The following AHCTF1 variants were observed in gnomAD, a reference collection of about 807,000 sequenced individuals.
AHCTF1 encodes protein ELYS.
Under a neutral mutation model 248.4 loss-of-function variants are expected in AHCTF1, and 24 were observed. The ratio of observed to expected loss-of-function variants is 0.10; its 90% CI spans 0.07 to 0.14. AHCTF1 has a LOEUF of 0.14. AHCTF1 is among the 10% of genes least tolerant of loss of function. AHCTF1 has a pLI of 1.00. For missense variants in AHCTF1, 2,206 were observed against 2,636.2 expected, an observed-to-expected ratio of 0.84 and a Z score of 3.57; for synonymous variants, 786 against 929.8, an observed-to-expected ratio of 0.85 and a Z score of 2.81.
intron 24 of AHCTF1, among the ~76,000 whole-genome samples, chr1:246,869,231 C>T (rs1204698814): frequency 6.6e-6 from 1 of 152,102 alleles, no homozygotes; most frequent in African/African-American, 2.4e-5. Flanking sequence ...ACAGCGTGTA[C>T]TTACTCCACT....
chr1:246,927,156 C>T lies in AHCTF1; in HGVS notation c.-8+4422G>A, dbSNP rs185036978. On this transcript the variant is annotated intron_variant, in intron 1 of 35. Coordinates refer to ENST00000648844, the MANE Select transcript of AHCTF1 (RefSeq NM_001323342.2). ...TCGTGCCACTGCACTCCAGCCTGGGCGACAGAGCGAGACTCTGTCTCAAAA... is the reference window on the plus strand; with the variant it reads ...TCGTGCCACTGCACTCCAGCCTGGGTGACAGAGCGAGACTCTGTCTCAAAA... Among the ~76,000 whole-genome samples, 49 of 150,218 alleles carry T rather than the reference C, an allele frequency of 3.3e-4. No individual in the cohort carries two copies. In the East Asian group the frequency reaches 8.5e-3, roughly 26 times the overall value.
At chr1:246,855,611 G>A (rs1572369059) in intron 31 of AHCTF1, 119 bp downstream of exon 31, 9 of 737,228 alleles carry the variant, frequency 1.2e-5, no homozygotes, top group African/African-American at 1.8e-5. Flanking sequence ...CCAGAGAGAG[G>A]AATAACTGAG....
intron 1 of AHCTF1, among the ~76,000 whole-genome samples, chr1:246,924,399 G>A (rs1666788353): frequency 6.6e-6 from 1 of 152,022 alleles, no homozygotes; most frequent in Non-Finnish European, 1.5e-5. Flanking sequence ...TTATTTTTGT[G>A]TGATGCAAAT....
chr1:246,856,068 A>G (rs1315581203), intron 30 of AHCTF1, among the ~76,000 whole-genome samples: 3 of 152,232 alleles, frequency 2.0e-5, no homozygotes, highest in Admixed American at 2.0e-4. Flanking sequence ...CATGGCCTTA[A>G]AGTAGAAATG....
intron 11 of AHCTF1, among the ~76,000 whole-genome samples, chr1:246,898,731 A>T (rs1253321943): frequency 6.6e-6 from 1 of 152,184 alleles, no homozygotes; most frequent in Non-Finnish European, 1.5e-5. Context: ...GTATAAATAC[A>T]GCATTCATCC....
chr1:246,913,558 A>G (rs1269677564), intron 3 of AHCTF1, 146 bp from the exon 4 acceptor site: 2 of 722,550 alleles, frequency 2.8e-6, no homozygotes, highest in African/African-American at 3.6e-5. Context: ...TGATCTGAAT[A>G]ATGAAATCTT....
chr1:246,884,026 C>T (rs1272150599), intron 21 of AHCTF1, among the ~76,000 whole-genome samples: 2 of 152,036 alleles, frequency 1.3e-5, no homozygotes, highest in Non-Finnish European at 2.9e-5. Context: ...GATTAAGTAG[C>T]AACACTTTAA....
Position 246,849,764 on chromosome 1 carries a change from T to C in AHCTF1, c.6242A>G (p.Glu2081Gly). The change falls in exon 33 of 36, where the codon GAA becomes GGA. Residue 2081 changes from glutamate to glycine, a missense_variant. Physicochemically the swap from Glu to Gly is moderately conservative, Grantham distance 98 (BLOSUM62 -2). This residue lies in a region of AHCTF1 where 469 missense variants were observed against 470.0 expected (regional missense o/e 1.00). Coordinates refer to ENST00000648844, the MANE Select transcript of AHCTF1 (RefSeq NM_001323342.2). ...GGAAGCTGTGGCGAGCAATCTTTCTTCCTGCTCATTTGTTTCTTTATGTGT... is the reference window on the plus strand; with the variant it reads ...GGAAGCTGTGGCGAGCAATCTTTCTCCCTGCTCATTTGTTTCTTTATGTGT... Reference protein sequence around the residue: ...EMTHKETNEQEERLLATASFT... With the variant: ...EMTHKETNEQGERLLATASFT... 3 of 1,614,010 alleles carry C rather than the reference T, an allele frequency of 1.9e-6. No individual in the cohort carries two copies. Among genetic ancestry groups the C allele is most frequent in the Non-Finnish European group, 2.5e-6 (3 of 1,179,872 alleles).
intron 14 of AHCTF1, 101 bp from the exon 15 acceptor site, chr1:246,892,020 A>G: frequency 8.1e-7 from 1 of 1,233,318 alleles, no homozygotes; most frequent in Non-Finnish European, 1.1e-6. Context: ...CAAAAGAATT[A>G]TTCTATTCAT....
rs1483700388 is a variant in AHCTF1 at position 246,913,343 on chromosome 1, G to A, written c.445C>T (p.Leu149=). Reference sequence around the variant, plus strand: ...GCTGCCACTCCAAAAAGCCATCGCAGACTTGGATGTAAATGCTGAGTGCTT... The same window carrying A: ...GCTGCCACTCCAAAAAGCCATCGCAAACTTGGATGTAAATGCTGAGTGCTT... ...SASTQHLHPS[L]RWLFGVAAVV... is the part of the protein sequence containing the mutation. The change falls in exon 4 of 36, where the codon CTG becomes TTG. Residue 149 remains leucine, a synonymous_variant. Coordinates refer to ENST00000648844, the MANE Select transcript of AHCTF1 (RefSeq NM_001323342.2). The A allele has an allele frequency of 6.2e-7, 1 of 1,613,966 alleles. No individual in the cohort carries two copies.
chr1:246,906,583 CA>C (rs909390618), intron 5 of AHCTF1, among the ~76,000 whole-genome samples: 4 of 150,568 alleles, frequency 2.7e-5, no homozygotes, highest in African/African-American at 7.3e-5. Context: ...CCCCACCCCC[CA>C]AAAAAATAGA....
chr1:246,929,550 T>C (rs79067339), intron 1 of AHCTF1, among the ~76,000 whole-genome samples: 32,234 of 151,432 alleles, frequency 0.21, 3,808 homozygotes, highest in African/African-American at 0.32. Context: ...GAAACATCTC[T>C]TCCACAGAAT....
At chr1:246,841,878 G>A (rs745935425) in intron 35 of AHCTF1, among the ~76,000 whole-genome samples, 2 of 151,786 alleles carry the variant, frequency 1.3e-5, no homozygotes, top group South Asian at 2.1e-4. Context: ...TGCAACCTCC[G>A]CCTCCTGGGT....
intron 24 of AHCTF1, among the ~76,000 whole-genome samples, chr1:246,874,182 G>C (rs1032674857): frequency 2.6e-5 from 4 of 152,090 alleles, no homozygotes; most frequent in Non-Finnish European, 5.9e-5. Flanking sequence ...GTATATACAA[G>C]TAGACATGCC....
intron 23 of AHCTF1, 62 bp downstream of exon 23, chr1:246,876,888 C>CA: frequency 6.3e-7 from 1 of 1,580,232 alleles, no homozygotes; most frequent in East Asian, 2.2e-5. Flanking sequence ...ATATAACAAC[C>CA]AAAAAAGCCT....
chr1:246,891,954 C>A (rs1380246071), intron 14 of AHCTF1, 35 bp from the exon 15 acceptor site: 2 of 1,556,262 alleles, frequency 1.3e-6, no homozygotes, highest in Non-Finnish European at 1.7e-6. Flanking sequence ...AGTTTCCATA[C>A]AGTAAATCTA....
At chr1:246,886,209 T>C (rs1221983696) in intron 20 of AHCTF1, among the ~76,000 whole-genome samples, 1 of 152,126 alleles carries the variant, frequency 6.6e-6, no homozygotes. Context: ...TGCGTACCTA[T>C]AGTCCCAGCT....
chr1:246,918,107 T>C (rs1371096942), intron 2 of AHCTF1, 143 bp downstream of exon 2: 1 of 634,910 alleles, frequency 1.6e-6, no homozygotes, highest in Non-Finnish European at 2.3e-6. Flanking sequence ...AGATGTTATA[T>C]ATGTAACTGT....
At chr1:246,883,764 T>C (rs781031209) in intron 21 of AHCTF1, among the ~76,000 whole-genome samples, 4 of 152,216 alleles carry the variant, frequency 2.6e-5, no homozygotes, top group Non-Finnish European at 4.4e-5. Context: ...GGAGCCTTAA[T>C]GTGCTAGTTT....
Sources: gnomAD v4.1 joint callset for allele counts (sites outside exome capture counted in the v4.1 genomes callset) on GRCh38, gnomAD v4.1.1 for gene constraint, gnomAD v4.1.1 regional missense constraint, MANE v1.5 for transcripts, NCBI Gene and HGNC (gene_info 2026-07-23, HGNC 2026-07-21) for gene names.